ANGEL1: variants seen among roughly 807,000 people sequenced by gnomAD.
ANGEL1 encodes the protein angel homolog 1.
In ANGEL1, 62 loss-of-function variants were observed where a neutral mutation model predicts 76.4. The ratio of observed to expected loss-of-function variants is 0.81; its 90% CI spans 0.66 to 1.00. The LOEUF (loss-of-function observed/expected upper bound fraction) is 1.00, where lower values mean the gene tolerates loss of function less well. Ranked by LOEUF, ANGEL1 falls within the 50% of genes least tolerant of loss-of-function variation. The pLI is 0.00. For synonymous variants in ANGEL1, 340 were observed against 331.7 expected, an observed-to-expected ratio of 1.03 and a Z score of -0.27; for missense variants, 737 against 836.7, an observed-to-expected ratio of 0.88 and a Z score of 1.47.
intron 7 of ANGEL1, among the ~76,000 whole-genome samples, chr14:76,794,270 G>A (rs1469261767): frequency 6.6e-6 from 1 of 152,110 alleles, no homozygotes; most frequent in African/African-American, 2.4e-5. Flanking sequence ...AAAATGGGTG[G>A]ATTTTATGAC....
chr14:76,794,962 T>G (rs1344072582), intron 7 of ANGEL1, among the ~76,000 whole-genome samples: 10 of 152,100 alleles, frequency 6.6e-5, no homozygotes, highest in African/African-American at 2.4e-4. Context: ...CTCCTTTCCA[T>G]TTTTATCCTT....
intron 7 of ANGEL1, among the ~76,000 whole-genome samples, chr14:76,795,288 T>A (rs904469509): frequency 6.6e-6 from 1 of 152,220 alleles, no homozygotes; most frequent in Non-Finnish European, 1.5e-5. Context: ...CACATATATA[T>A]AAAATTATAT....
intron 7 of ANGEL1, among the ~76,000 whole-genome samples, chr14:76,797,897 A>G (rs1054423762): frequency 1.3e-5 from 2 of 152,256 alleles, no homozygotes; most frequent in Non-Finnish European, 1.5e-5. Context: ...TATGGTCTAA[A>G]TGTTTGTGTC....
At chr14:76,792,118 C>T (rs1894423703) in intron 7 of ANGEL1, among the ~76,000 whole-genome samples, 1 of 152,040 alleles carries the variant, frequency 6.6e-6, no homozygotes, top group South Asian at 2.1e-4. Context: ...TAAGTGAATG[C>T]TATAAATAAC....
rs777793327 is a variant in ANGEL1, at chr14:76,808,156, G to A, written c.650-8C>T. The A allele has an allele frequency of 3.1e-6, 5 of 1,612,140 alleles. No homozygotes were observed. Among genetic ancestry groups the A allele is most frequent in the Non-Finnish European group, 4.2e-6 (5 of 1,179,258 alleles). On this transcript the variant is annotated splice_region_variant and splice_polypyrimidine_tract_variant and intron_variant, in intron 2 of 9. Coordinates refer to ENST00000251089, the MANE Select transcript of ANGEL1 (RefSeq NM_015305.4). ...ATTCTCGCCACAAAATTTCTGCAAA[G>A]GATTGGGAGAAGCACTCAATGGCAA...
rs1595290576 is a variant in ANGEL1, at chr14:76,789,122, G to A, written c.*106C>T. On this transcript the variant is annotated 3_prime_UTR_variant, in exon 10 of 10. Coordinates refer to ENST00000251089, the MANE Select transcript of ANGEL1 (RefSeq NM_015305.4). The stretch of plus-strand genomic sequence containing the variant: ...GGGAACGAGGAGGGGGAAGGGAGGG[G>A]ATGTAAGTTTCTTGGATCTAAGTTT... The A allele has an allele frequency of 5.0e-6, 7 of 1,392,866 alleles. No homozygotes were observed. The highest frequency in any genetic ancestry group is 2.3e-5 in the East Asian group (1 of 43,582). 86.3% of individuals were successfully genotyped at this position (1,392,866 alleles called of 1,614,324 possible).
chr14:76,812,877 T>G lies in ANGEL1; in HGVS notation c.-50A>C. 1 of 1,465,202 alleles carries G rather than the reference T, an allele frequency of 6.8e-7. No individual in the cohort carries two copies. Among genetic ancestry groups the G allele is most frequent in the Non-Finnish European group, 9.0e-7 (1 of 1,109,470 alleles). 90.8% of individuals were successfully genotyped at this position (1,465,202 alleles called of 1,614,324 possible). On this transcript the variant is annotated 5_prime_UTR_variant, in exon 1 of 10. Coordinates refer to ENST00000251089, the MANE Select transcript of ANGEL1 (RefSeq NM_015305.4). ...GCTCCTCACTGCAGCCAGCAGGTCC[T>G]CCCTCAGCTCGGCCCCGCCCCCGGC...
Position 76,794,808 on chromosome 14 carries a change from C to T in ANGEL1, c.1619-3442G>A, listed in dbSNP as rs114092279. ...TATATCTTTTAATAAACATGTATTT[C>T]TATATAGGAACACTACTAAGTTCTG... On this transcript the variant is annotated intron_variant, in intron 7 of 9. Transcript: ENST00000251089. Among the ~76,000 whole-genome samples the T allele has an allele frequency of 1.9e-3, 291 of 151,468 alleles. 1 individual carries two copies. The highest frequency in any genetic ancestry group is 6.5e-3 in the African/African-American group (267 of 41,252).
Position 76,790,140 on chromosome 14 carries a change from G to A in ANGEL1, c.1852+471C>T, listed in dbSNP as rs776407927. Reference sequence around the variant, plus strand: ...GCCTCCCAGAGTGCTGGGATTACCGGTGTGAACCAGTAATACACGTGCCTG... The same window carrying A: ...GCCTCCCAGAGTGCTGGGATTACCGATGTGAACCAGTAATACACGTGCCTG... On this transcript the variant is annotated intron_variant, in intron 9 of 9. Coordinates refer to ENST00000251089, the MANE Select transcript of ANGEL1 (RefSeq NM_015305.4). Among the ~76,000 whole-genome samples, 3 of 152,108 alleles carry A rather than the reference G, an allele frequency of 2.0e-5. No homozygotes were observed. In the East Asian group the frequency reaches 5.8e-4, roughly 29 times the overall value.
At chr14:76,797,937 T>A (rs1257111225) in intron 7 of ANGEL1, among the ~76,000 whole-genome samples, 1 of 152,320 alleles carries the variant, frequency 6.6e-6, no homozygotes, top group Non-Finnish European at 1.5e-5. Context: ...GTTGAAATCC[T>A]AACCCCCACG....
chr14:76,790,474 A>C, intron 9 of ANGEL1, 137 bp downstream of exon 9: 1 of 1,383,580 alleles, frequency 7.2e-7, no homozygotes, highest in Non-Finnish European at 9.5e-7. Context: ...AAGGATGACC[A>C]GTGCAAGGGA....
At chr14:76,806,074 C>T (rs952797492) in intron 5 of ANGEL1, among the ~76,000 whole-genome samples, 6 of 152,090 alleles carry the variant, frequency 3.9e-5, no homozygotes, top group Admixed American at 1.3e-4. Context: ...AAACTTAGAA[C>T]GGTCATTATG....
At chr14:76,792,380 C>T (rs1595293715) in intron 7 of ANGEL1, among the ~76,000 whole-genome samples, 1 of 152,024 alleles carries the variant, frequency 6.6e-6, no homozygotes, top group African/African-American at 2.4e-5. Context: ...AAAGAGGAGA[C>T]ACTTCTCAAC....
intron 7 of ANGEL1, among the ~76,000 whole-genome samples, chr14:76,802,537 T>A (rs753530941): frequency 1.3e-5 from 2 of 152,198 alleles, no homozygotes; most frequent in Non-Finnish European, 2.9e-5. Flanking sequence ...TCTACAAGTA[T>A]CTCATCTACC....
In ANGEL1 at chr14:76,786,233, G is replaced by A. The variant is rs372105701; in HGVS notation, c.*2995C>T. On this transcript the variant is annotated 3_prime_UTR_variant, in exon 10 of 10. Transcript: ENST00000251089. ...GGCTGGAGTGCAATGGCATGATCTC[G>A]GCTCACCACAACCTCCGCTTCCCAG... 1.0e-3 allele frequency: 154 copies of A among 149,532 alleles called. 6 individuals are homozygous for A. The South Asian group carries it at 0.032, about 31-fold the overall frequency. 9.3% of individuals were successfully genotyped at this position (149,532 alleles called of 1,614,324 possible).
chr14:76,799,333 G>A (rs953351470), intron 7 of ANGEL1, among the ~76,000 whole-genome samples: 1 of 107,708 alleles, frequency 9.3e-6, no homozygotes. Context: ...TTGCTCTGTC[G>A]CCCAGGCTGG....
chr14:76,806,434 A>G lies in ANGEL1; in HGVS notation c.1362T>C (p.His454=). ...ATTTCACCTTCCAGGCTGGCATCCC[A>G]TGGTACTGGAGCTCTCCATCCCTGA... The part of the protein sequence containing the change: ...NFIRDGELQY[H]GMPAWKVSGQ... Residue 454 remains histidine, a synonymous_variant, in exon 5 of 10, where the codon CAT becomes CAC. Coordinates refer to ENST00000251089, the MANE Select transcript of ANGEL1 (RefSeq NM_015305.4). The G allele has an allele frequency of 6.2e-7, 1 of 1,611,334 alleles. No homozygotes were observed. Among genetic ancestry groups the G allele is most frequent in the Non-Finnish European group, 8.5e-7 (1 of 1,177,696 alleles).
intron 7 of ANGEL1, among the ~76,000 whole-genome samples, chr14:76,799,214 A>G (rs1894676707): frequency 6.7e-6 from 1 of 149,682 alleles, no homozygotes; most frequent in Non-Finnish European, 1.5e-5. Flanking sequence ...TAGCATATCT[A>G]ATCAGAGCCT....
At position 76,803,537 on chromosome 14, in the gene ANGEL1, G is replaced by C. The variant is rs1342242883; in HGVS notation, c.1508-56C>G. The C allele has an allele frequency of 1.9e-6, 3 of 1,557,186 alleles. No homozygotes were observed. The African/African-American group carries it at 4.1e-5, about 21-fold the overall frequency. ...GAAAGACGATGAAGCCACATGCTGA[G>C]ACCTCCTTAGTACCAAGCAACTTCC... is the stretch of plus-strand genomic sequence containing the variant. On this transcript the variant is annotated intron_variant, in intron 6 of 9. Coordinates refer to ENST00000251089, the MANE Select transcript of ANGEL1 (RefSeq NM_015305.4).
Sources: allele counts gnomAD v4.1 joint callset (sites outside exome capture counted in the v4.1 genomes callset), GRCh38; gene constraint gnomAD v4.1.1; transcripts MANE v1.5; gene names NCBI Gene and HGNC (gene_info 2026-07-23, HGNC 2026-07-21).